The following SPTBN1 variants were observed in gnomAD, a reference collection of about 807,000 sequenced individuals.
The protein encoded by SPTBN1 is spectrin beta, non-erythrocytic 1.
In SPTBN1, 32 loss-of-function variants were observed where a neutral mutation model predicts 266.4. The ratio of observed to expected loss-of-function variants is 0.12; its 90% confidence interval spans 0.09 to 0.16. The LOEUF is 0.16. Among genes scored for constraint, SPTBN1 ranks in the 10% least tolerant of loss-of-function variants. The pLI, the probability that SPTBN1 is intolerant of heterozygous loss-of-function variation, is 1.00. For synonymous variants in SPTBN1, 1,336 were observed against 1,162.2 expected, an observed-to-expected ratio of 1.15 and a Z score of -3.04; for missense variants, 2,296 against 3,067.1, an observed-to-expected ratio of 0.75 and a Z score of 5.94.
intron 17 of SPTBN1, among the ~76,000 whole-genome samples, chr2:54,635,349 G>A (rs1024121344): frequency 6.6e-6 from 1 of 152,224 alleles, no homozygotes; most frequent in African/African-American, 2.4e-5. Context: ...TTCTGAGTCA[G>A]CGGCAGTCCC....
At chr2:54,465,801 T>A (rs981865189) in intron 1 of SPTBN1, among the ~76,000 whole-genome samples, 5 of 151,912 alleles carry the variant, frequency 3.3e-5, no homozygotes, top group African/African-American at 1.2e-4. Context: ...CATGAATGAG[T>A]CAAGTTGTCC....
At position 54,522,589 on chromosome 2, in the gene SPTBN1, C is replaced by T. The variant is rs536005011; in HGVS notation, c.-47-3783C>T. On this transcript the variant is annotated intron_variant, in intron 1 of 35. Coordinates refer to ENST00000356805, the MANE Select transcript of SPTBN1 (RefSeq NM_003128.3). The stretch of plus-strand genomic sequence containing the variant: ...GAGGTTGTAGTGAGCTGAGATCATG[C>T]CACTGCACTCCAGCCTGGGTGACAG... 1.6e-3 allele frequency among the ~76,000 whole-genome samples: 240 copies of T among 149,012 alleles called. 3 individuals are homozygous for T. The highest frequency in any genetic ancestry group is 3.4e-3 in the Middle Eastern group (1 of 290).
At chr2:54,468,304 C>T (rs548848823) in intron 1 of SPTBN1, among the ~76,000 whole-genome samples, 1 of 145,810 alleles carries the variant, frequency 6.9e-6, no homozygotes, top group Non-Finnish European at 1.5e-5. Context: ...GAGACTCAGT[C>T]TCAAAAAAAA....
chr2:54,585,806 A>G (rs1675252758), intron 2 of SPTBN1, among the ~76,000 whole-genome samples: 1 of 152,214 alleles, frequency 6.6e-6, no homozygotes, highest in African/African-American at 2.4e-5. Flanking sequence ...AGATGAAAAA[A>G]TGACAGGCGA....
Position 54,623,468 on chromosome 2 carries a change from C to A in SPTBN1, c.1065-11C>A, listed in dbSNP as rs767716779. On this transcript the variant is annotated splice_polypyrimidine_tract_variant and intron_variant, in intron 9 of 35. Transcript: ENST00000356805. The stretch of plus-strand genomic sequence containing the variant: ...CTCCAGTACCAAATGAATGTTTTCC[C>A]CTGTGTTTAGATTTACTGAGAAGGG... The A allele has an allele frequency of 6.2e-7, 1 of 1,612,346 alleles. No homozygotes were observed. The highest frequency in any genetic ancestry group is 1.7e-5 in the Admixed American group (1 of 59,866).
At chr2:54,483,206 C>T (rs1668187041) in intron 1 of SPTBN1, among the ~76,000 whole-genome samples, 1 of 152,148 alleles carries the variant, frequency 6.6e-6, no homozygotes, top group Admixed American at 6.5e-5. Flanking sequence ...TGGCTCATCT[C>T]TAGTGTGTGG....
At position 54,664,202 on chromosome 2, in the gene SPTBN1, A is replaced by G. The variant is rs1572783622; in HGVS notation, c.6421-251A>G. 2 of 450,920 alleles carry G rather than the reference A, an allele frequency of 4.4e-6. No individual in the cohort carries two copies. Among genetic ancestry groups the G allele is most frequent in the South Asian group, 3.9e-5 (1 of 25,754 alleles). The allele number at this position is 450,920 out of a possible 1,614,324, so 27.9% of individuals were successfully genotyped here. Reference sequence around the variant, plus strand: ...TGAGTTATATTTATTGATCAGAGGAATAGAGTGCAGTAAAACTCATACTGG... The same window carrying G: ...TGAGTTATATTTATTGATCAGAGGAGTAGAGTGCAGTAAAACTCATACTGG... On this transcript the variant is annotated intron_variant, in intron 32 of 35. Coordinates refer to ENST00000356805, the MANE Select transcript of SPTBN1 (RefSeq NM_003128.3). The surrounding 1 kb of genome is among the most constrained non-coding windows in gnomAD (Gnocchi z 5.6).
At chr2:54,465,391 G>C (rs1196402142) in intron 1 of SPTBN1, among the ~76,000 whole-genome samples, 1 of 152,042 alleles carries the variant, frequency 6.6e-6, no homozygotes, top group Non-Finnish European at 1.5e-5. Flanking sequence ...GTAACCATTA[G>C]ACCATCAGGT....
chr2:54,617,818 G>A (rs563390224), intron 6 of SPTBN1, 130 bp downstream of exon 6: 517 of 863,306 alleles, frequency 6.0e-4, no homozygotes, highest in Non-Finnish European at 8.4e-4. Context: ...TGCATTCCAT[G>A]TGAGGAAAAT....
At chr2:54,638,970 A>G (rs1185079477) in intron 18 of SPTBN1, among the ~76,000 whole-genome samples, 2 of 152,222 alleles carry the variant, frequency 1.3e-5, no homozygotes, top group East Asian at 3.8e-4. Context: ...ATCTTGTAAT[A>G]TGCTCTTGCA....
chr2:54,556,689 TTGTG>T (rs1322318893), intron 2 of SPTBN1, among the ~76,000 whole-genome samples: 1 of 151,580 alleles, frequency 6.6e-6, no homozygotes, highest in African/African-American at 2.4e-5. Context: ...GTGTGTGTGT[TTGTG>T]TGTGTGGGCG....
At chr2:54,656,144 G>A in intron 29 of SPTBN1, 146 bp downstream of exon 29, 4 of 620,198 alleles carry the variant, frequency 6.4e-6, no homozygotes, top group South Asian at 6.1e-5. Context: ...ACCATTTCAT[G>A]GTAAATACTA....
At chr2:54,661,476 C>G (rs913611712) in intron 32 of SPTBN1, 2 of 985,554 alleles carry the variant, frequency 2.0e-6, no homozygotes, top group Admixed American at 6.2e-5. Context: ...CATATAGCAT[C>G]TTGTTTGTTT....
At chr2:54,479,961 A>T (rs1668019360) in intron 1 of SPTBN1, among the ~76,000 whole-genome samples, 2 of 151,992 alleles carry the variant, frequency 1.3e-5, no homozygotes, top group Non-Finnish European at 2.9e-5. Context: ...TTCCAAGCAA[A>T]CTTTGCTTTT....
chr2:54,553,670 G>C (rs1040777845), intron 2 of SPTBN1, among the ~76,000 whole-genome samples: 1 of 152,150 alleles, frequency 6.6e-6, no homozygotes, highest in Admixed American at 6.5e-5. Context: ...GTCCCTCCCT[G>C]TTCCCATCAC....
intron 2 of SPTBN1, among the ~76,000 whole-genome samples, chr2:54,542,430 A>G (rs1415955108): frequency 1.3e-5 from 2 of 152,368 alleles, no homozygotes; most frequent in African/African-American, 2.4e-5. Flanking sequence ...TCCAGAATCT[A>G]TCTCAGGAGA....
intron 32 of SPTBN1, chr2:54,661,326 C>T (rs1272129049): frequency 1.0e-6 from 1 of 985,778 alleles, no homozygotes; most frequent in Non-Finnish European, 1.2e-6. Context: ...CCTTGTGAGA[C>T]ATTCACTTGC....
At chr2:54,660,057 G>A in intron 32 of SPTBN1, 58 bp downstream of exon 32, 2 of 1,614,214 alleles carry the variant, frequency 1.2e-6, no homozygotes, top group South Asian at 2.2e-5. Context: ...CAGACGGACA[G>A]CCAGTGACCA....
chr2:54,602,636 T>A (rs1676572838), intron 3 of SPTBN1, among the ~76,000 whole-genome samples: 1 of 152,076 alleles, frequency 6.6e-6, no homozygotes, highest in Non-Finnish European at 1.5e-5. Flanking sequence ...TTATCACTGG[T>A]TTTTGCTTCC....
Sources: gnomAD v4.1 joint callset for allele counts (sites outside exome capture counted in the v4.1 genomes callset) on GRCh38, gnomAD v4.1.1 for gene constraint, Gnocchi (gnomAD v3.1) non-coding constraint, MANE v1.5 for transcripts, NCBI Gene and HGNC (gene_info 2026-07-23, HGNC 2026-07-21) for gene names.